The following CNTNAP2 variants were observed in gnomAD, a reference collection of about 807,000 sequenced individuals.
CNTNAP2 encodes contactin-associated protein-like 2.
Under a neutral mutation model 155.2 loss-of-function variants are expected in CNTNAP2, and 98 were observed. The ratio of observed to expected loss-of-function variants is 0.63; its 90% CI spans 0.54 to 0.75. The LOEUF is 0.75. Ranked by LOEUF, CNTNAP2 falls within the 30% of genes least tolerant of loss-of-function variation. The pLI is 0.00. For synonymous variants in CNTNAP2, 651 were observed against 631.2 expected, an observed-to-expected ratio of 1.03 and a Z score of -0.47; for missense variants, 1,727 against 1,688.1, an observed-to-expected ratio of 1.02 and a Z score of -0.40.
In CNTNAP2 at chr7:147,331,084, AT is replaced by A. The variant is rs568992128; in HGVS notation, c.1498+30795del. 6.2e-4 allele frequency among the ~76,000 whole-genome samples: 94 copies of A among 152,258 alleles called. 1 individual carries two copies. The South Asian group carries it at 0.017, about 28-fold the overall frequency. ...ACTGAAGCATAATCAGAGCCTAGGT[AT>A]ATTTGCCTTAGCTTTTAACCAGAAT... On this transcript the variant is annotated intron_variant, in intron 9 of 23. Coordinates refer to ENST00000361727, the MANE Select transcript of CNTNAP2 (RefSeq NM_014141.6).
rs189301310 is a variant in CNTNAP2 at position 147,305,783 on chromosome 7, T to C, written c.1498+5493T>C. ...ACACGGTGGCTTAAAACAACATAGT[T>C]CTATTCTGTCAATGTTCTGGAGGCT... On this transcript the variant is annotated intron_variant, in intron 9 of 23. Coordinates refer to ENST00000361727, the MANE Select transcript of CNTNAP2 (RefSeq NM_014141.6). 2.6e-5 allele frequency among the ~76,000 whole-genome samples: 4 copies of C among 152,182 alleles called. 1 individual carries two copies. In the East Asian group the frequency reaches 7.7e-4, roughly 29 times the overall value.
At chr7:147,747,313 T>A (rs151231317) in intron 13 of CNTNAP2, among the ~76,000 whole-genome samples, 1,667 of 152,304 alleles carry the variant, frequency 0.011, 94 homozygotes, top group Admixed American at 0.087. Context: ...GACTGGCATC[T>A]CTTCATCTTT....
chr7:146,667,314 A>T (rs899618563), intron 1 of CNTNAP2, among the ~76,000 whole-genome samples: 4 of 152,040 alleles, frequency 2.6e-5, no homozygotes, highest in African/African-American at 7.2e-5. Flanking sequence ...TAGTTTTTGC[A>T]TTCTGTATTT....
intron 13 of CNTNAP2, among the ~76,000 whole-genome samples, chr7:147,708,558 G>T (rs1013311599): frequency 2.0e-5 from 3 of 152,042 alleles, no homozygotes; most frequent in Non-Finnish European, 2.9e-5. Flanking sequence ...CCTTCACTTG[G>T]TCTCCTTGCA....
chr7:148,214,828 C>A (rs1052249304), intron 18 of CNTNAP2, among the ~76,000 whole-genome samples: 2 of 152,178 alleles, frequency 1.3e-5, no homozygotes, highest in African/African-American at 2.4e-5. Flanking sequence ...CTCGACCTAC[C>A]AAAGTGCTGG....
intron 21 of CNTNAP2, among the ~76,000 whole-genome samples, chr7:148,334,490 G>A (rs1422862676): frequency 1.3e-5 from 2 of 152,190 alleles, no homozygotes; most frequent in East Asian, 1.9e-4. Flanking sequence ...CATGGACCTT[G>A]GTAAGAAACA....
intron 18 of CNTNAP2, among the ~76,000 whole-genome samples, chr7:148,210,603 A>G (rs1271845620): frequency 2.6e-5 from 4 of 152,196 alleles, no homozygotes; most frequent in Non-Finnish European, 4.4e-5. Context: ...GGATAAACTT[A>G]GAGATTTTTC....
chr7:146,448,299 A>G (rs557988830), intron 1 of CNTNAP2, among the ~76,000 whole-genome samples: 81 of 152,156 alleles, frequency 5.3e-4, no homozygotes, highest in African/African-American at 1.5e-3. Flanking sequence ...TTGTCATTCC[A>G]TAAAGTGGCT....
chr7:147,527,015 C>CTTTTTTTTTTTTTTTTTTTT lies in CNTNAP2; in HGVS notation c.1778-35115_1778-35096dup, dbSNP rs888976222. On this transcript the variant is annotated intron_variant, in intron 11 of 23. Coordinates refer to ENST00000361727, the MANE Select transcript of CNTNAP2 (RefSeq NM_014141.6). Reference sequence around the variant, plus strand: ...CATGAATTATGGAAGACAGGCATTTCTTTTTTTTTTTTTTTTTTTTTTTTT... The same window carrying CTTTTTTTTTTTTTTTTTTTT: ...CATGAATTATGGAAGACAGGCATTTCTTTTTTTTTTTTTTTTTTTTTTTTTTTTTTTTTTTTTTTTTTTTT... 5.4e-4 allele frequency among the ~76,000 whole-genome samples: 35 copies of CTTTTTTTTTTTTTTTTTTTT among 65,152 alleles called. 3 individuals carry two copies. Among genetic ancestry groups the CTTTTTTTTTTTTTTTTTTTT allele is most frequent in the East Asian group, 2.6e-3 (6 of 2,266 alleles). The allele number at this position is 65,152 out of a possible 152,430, so 42.7% of individuals were successfully genotyped here.
intron 18 of CNTNAP2, among the ~76,000 whole-genome samples, chr7:148,200,480 G>C (rs1313000787): frequency 6.7e-6 from 1 of 150,106 alleles, no homozygotes; most frequent in East Asian, 2.0e-4. Flanking sequence ...CTGGAGCTTC[G>C]AACTCCTGGG....
intron 15 of CNTNAP2, among the ~76,000 whole-genome samples, chr7:148,074,003 G>A (rs1436563445): frequency 1.3e-5 from 2 of 152,100 alleles, no homozygotes; most frequent in African/African-American, 2.4e-5. Flanking sequence ...GAGAGATGAC[G>A]GTATACATAG....
At chr7:148,164,551 C>G (rs1434240768) in intron 17 of CNTNAP2, among the ~76,000 whole-genome samples, 1 of 151,912 alleles carries the variant, frequency 6.6e-6, no homozygotes, top group Non-Finnish European at 1.5e-5. Flanking sequence ...AGACACAGCC[C>G]TCCACGAATG....
chr7:146,685,070 A>C (rs535415498), intron 1 of CNTNAP2, among the ~76,000 whole-genome samples: 1 of 152,250 alleles, frequency 6.6e-6, no homozygotes, highest in East Asian at 1.9e-4. Context: ...AACAAGAATG[A>C]TGCACAGGTA....
At chr7:146,253,893 C>A (rs1200371691) in intron 1 of CNTNAP2, among the ~76,000 whole-genome samples, 11 of 142,070 alleles carry the variant, frequency 7.7e-5, no homozygotes, top group African/African-American at 2.0e-4. Flanking sequence ...CCTGTCACTA[C>A]AAAAAAAAAA....
At chr7:146,726,655 G>A (rs138986740) in intron 1 of CNTNAP2, among the ~76,000 whole-genome samples, 30 of 152,182 alleles carry the variant, frequency 2.0e-4, no homozygotes, top group African/African-American at 7.0e-4. Context: ...TTAAATAAAT[G>A]CCAACACTTA....
At chr7:146,227,248 A>C (rs574033713) in intron 1 of CNTNAP2, among the ~76,000 whole-genome samples, 7 of 152,014 alleles carry the variant, frequency 4.6e-5, no homozygotes, top group Non-Finnish European at 8.8e-5. Flanking sequence ...CGATATAGTA[A>C]AACCCTGTCT....
intron 2 of CNTNAP2, among the ~76,000 whole-genome samples, chr7:146,806,158 G>A (rs189226740): frequency 1.7e-4 from 26 of 152,184 alleles, no homozygotes; most frequent in African/African-American, 5.1e-4. Context: ...GTAATTCTTT[G>A]TGTCTCTAGG....
intron 1 of CNTNAP2, among the ~76,000 whole-genome samples, chr7:146,511,929 A>G (rs576069023): frequency 1.3e-5 from 2 of 152,172 alleles, no homozygotes; most frequent in South Asian, 2.1e-4. Context: ...GAGGCTTTTT[A>G]TTACTGCTTC....
intron 1 of CNTNAP2, among the ~76,000 whole-genome samples, chr7:146,517,295 A>C (rs537710276): frequency 1.3e-5 from 2 of 152,134 alleles, no homozygotes; most frequent in South Asian, 4.1e-4. Flanking sequence ...ATAACAGTTG[A>C]CTACTGCATT....
Sources: allele counts gnomAD v4.1 joint callset (sites outside exome capture counted in the v4.1 genomes callset), GRCh38; gene constraint gnomAD v4.1.1; transcripts MANE v1.5; gene names NCBI Gene and HGNC (gene_info 2026-07-23, HGNC 2026-07-21).